Variants in MTMR3 observed in about 807,000 individuals in gnomAD.
MTMR3 encodes the protein myotubularin related protein 3, also known as phosphatidylinositol-3,5-bisphosphate 3-phosphatase MTMR3.
Under a neutral mutation model 132.4 loss-of-function variants are expected in MTMR3, and 32 were observed. That is an observed-to-expected ratio of 0.24 (90% CI 0.18 to 0.32). MTMR3 has a LOEUF of 0.32. MTMR3 is among the 10% of genes least tolerant of loss of function. The pLI is 1.00. For synonymous variants in MTMR3, 556 were observed against 550.3 expected (o/e 1.01, Z -0.14); for missense variants, 1,216 against 1,489.6 (o/e 0.82, Z 3.02).
chr22:30,019,803 A>G lies in MTMR3; in HGVS notation c.2144A>G (p.Gln715Arg). ...EPAHRAGIEI[Q>R]EGKEDPLLEK... ...GCCCACAGGGCAGGCATTGAGATAC[A>G]GGAGGGTAAAGAGGACCCTCTCTTA... The change falls in exon 17 of 20, where the codon CAG (glutamine) becomes CGG (arginine). Residue 715 changes from glutamine to arginine, a missense_variant. Coordinates refer to ENST00000401950, the MANE Select transcript of MTMR3 (RefSeq NM_021090.4). 4 of 1,614,250 alleles carry G rather than the reference A, an allele frequency of 2.5e-6. No homozygotes were observed. Among genetic ancestry groups the G allele is most frequent in the Non-Finnish European group, 3.4e-6 (4 of 1,180,044 alleles).
At chr22:29,967,594 A>G (rs1273897111) in intron 2 of MTMR3, among the ~76,000 whole-genome samples, 1 of 151,490 alleles carries the variant, frequency 6.6e-6, no homozygotes, top group Non-Finnish European at 1.5e-5. Flanking sequence ...TTTAAAGTAT[A>G]CAATTCAGTG....
intron 1 of MTMR3, among the ~76,000 whole-genome samples, chr22:29,899,253 A>C (rs566984164): frequency 6.6e-6 from 1 of 152,074 alleles, no homozygotes; most frequent in African/African-American, 2.4e-5. Context: ...AAATTTTGCT[A>C]TGTTGCCCCT....
intron 17 of MTMR3, chr22:30,021,778 C>A (rs915148635): frequency 2.6e-5 from 12 of 458,594 alleles, no homozygotes; most frequent in African/African-American, 2.0e-4. Context: ...CACTCACTTT[C>A]TGGAACCCTG....
rs530590394 is a variant in MTMR3 at position 29,883,300 on chromosome 22, T to C, written c.-197T>C. 6.6e-4 allele frequency: 102 copies of C among 153,620 alleles called. No individual in the cohort carries two copies. The highest frequency in any genetic ancestry group is 9.6e-4 in the Non-Finnish European group (66 of 68,928). 9.5% of individuals were successfully genotyped at this position (153,620 alleles called of 1,614,324 possible). On this transcript the variant is annotated 5_prime_UTR_variant, in exon 1 of 20. Coordinates refer to ENST00000401950, the MANE Select transcript of MTMR3 (RefSeq NM_021090.4). ...CCAGCGCCGGCCCTGGCAGGGAGCC[T>C]GGTGGGGTGGCGGAGGGGGAGACTG...
intron 1 of MTMR3, among the ~76,000 whole-genome samples, chr22:29,932,923 C>G (rs1034652588): frequency 6.6e-6 from 1 of 151,712 alleles, no homozygotes; most frequent in Non-Finnish European, 1.5e-5. Flanking sequence ...AGCACTGTGC[C>G]CCTTTGCCTC....
intron 19 of MTMR3, chr22:30,023,206 G>A (rs1442862391): frequency 3.7e-5 from 20 of 544,684 alleles, no homozygotes; most frequent in Middle Eastern, 3.9e-4. Context: ...TCTGGGTTAG[G>A]GTAGTGAGTT....
intron 1 of MTMR3, among the ~76,000 whole-genome samples, chr22:29,908,604 T>C (rs2065146074): frequency 6.6e-6 from 1 of 152,224 alleles, no homozygotes; most frequent in Admixed American, 6.5e-5. Context: ...AATTGATTGT[T>C]GGCCCTTTGC....
chr22:30,009,003 T>C lies in MTMR3; in HGVS notation c.1010-15T>C, dbSNP rs749895039. On this transcript the variant is annotated splice_polypyrimidine_tract_variant and intron_variant, in intron 11 of 19. Transcript: ENST00000401950. ...TTCAACGTATTTGTGTTCTCTTTAT[T>C]GTTACTCTCTCCAGAGTATTACCCA... The C allele has an allele frequency of 1.3e-6, 2 of 1,548,094 alleles. No homozygotes were observed. The highest frequency in any genetic ancestry group is 2.7e-5 in the African/African-American group (2 of 73,520).
At chr22:29,931,344 A>C (rs540074900) in intron 1 of MTMR3, among the ~76,000 whole-genome samples, 1 of 152,338 alleles carries the variant, frequency 6.6e-6, no homozygotes, top group South Asian at 2.1e-4. Flanking sequence ...CTGTACATAC[A>C]TATATTGCTT....
In MTMR3 at chr22:30,029,290, C is replaced by T. The variant is rs1040242917; in HGVS notation, c.*3489C>T. 2 of 152,338 alleles carry T rather than the reference C, an allele frequency of 1.3e-5. No individual in the cohort carries two copies. Among genetic ancestry groups the T allele is most frequent in the Non-Finnish European group, 2.9e-5 (2 of 68,040 alleles). 9.4% of individuals were successfully genotyped at this position (152,338 alleles called of 1,614,324 possible). A position where few individuals can be genotyped will look rare whatever the true frequency, so the allele number is the denominator to read the frequency against. ...GCACTCTCGTTACCTTTCTTCTATA[C>T]CTTGGCCTCTGTAACTGCAGTCCAA... is the stretch of plus-strand genomic sequence containing the variant. On this transcript the variant is annotated 3_prime_UTR_variant, in exon 20 of 20. Coordinates refer to ENST00000401950, the MANE Select transcript of MTMR3 (RefSeq NM_021090.4).
intron 8 of MTMR3, chr22:30,002,227 T>C (rs750616469): frequency 6.6e-6 from 1 of 151,980 alleles, no homozygotes; most frequent in Non-Finnish European, 1.5e-5. Context: ...TTTATGGAAA[T>C]TATGGTTAAT....
chr22:29,914,313 A>T (rs955129866), intron 1 of MTMR3, among the ~76,000 whole-genome samples: 3 of 152,206 alleles, frequency 2.0e-5, no homozygotes, highest in African/African-American at 4.8e-5. Flanking sequence ...GTCTGTAGCA[A>T]TACATCATCA....
At chr22:29,911,569 A>T (rs4287865) in intron 1 of MTMR3, among the ~76,000 whole-genome samples, 53,044 of 150,770 alleles carry the variant, frequency 0.35, 10,355 homozygotes, top group East Asian at 0.71. Context: ...ATTTTGTGTA[A>T]AATAGCTTGA....
intron 16 of MTMR3, 170 bp downstream of exon 16, chr22:30,018,242 G>C (rs1235625120): frequency 4.2e-6 from 3 of 708,146 alleles, no homozygotes; most frequent in Non-Finnish European, 6.4e-6. Flanking sequence ...CTACGAGGCT[G>C]TAAGATCCTT....
chr22:29,892,273 ATAG>A (rs1165494750), intron 1 of MTMR3, among the ~76,000 whole-genome samples: 1 of 152,216 alleles, frequency 6.6e-6, no homozygotes, highest in Non-Finnish European at 1.5e-5. Flanking sequence ...AAAAGGACAA[ATAG>A]TAGGATAAGA....
intron 10 of MTMR3, 49 bp from the exon 11 acceptor site, chr22:30,007,852 C>A: frequency 6.2e-7 from 1 of 1,606,918 alleles, no homozygotes; most frequent in South Asian, 1.1e-5. Flanking sequence ...CTGCACAGTT[C>A]TGGGAGAGAC....
At chr22:29,985,808 GT>G (rs1780851778) in intron 5 of MTMR3, 1 of 152,118 alleles carries the variant, frequency 6.6e-6, no homozygotes, top group Admixed American at 6.5e-5. Flanking sequence ...AATTTAAGAT[GT>G]TAAAATATAG....
rs2066900824 is a variant in MTMR3, at chr22:29,988,548, C to A, written c.279C>A (p.Asp93Glu). Residue 93 changes from aspartate to glutamate, a missense_variant, in exon 6 of 20, where the codon GAC becomes GAA. Around this residue, in one of 7 missense-constraint regions of MTMR3, gnomAD observed 129 missense variants for 245.7 expected, o/e 0.53. Coordinates refer to ENST00000401950, the MANE Select transcript of MTMR3 (RefSeq NM_021090.4). ...TTCAGCTTCATTTGACTTGCAAAGA[C>A]TGCAAAGTTATCAGGTATGTGGTAT... Reference protein sequence around the residue: ...DIFQLHLTCKDCKVIRCQFST... With the variant: ...DIFQLHLTCKECKVIRCQFST... 3 of 1,611,586 alleles carry A rather than the reference C, an allele frequency of 1.9e-6. No individual in the cohort carries two copies. The highest frequency in any genetic ancestry group is 2.5e-6 in the Non-Finnish European group (3 of 1,178,342).
At chr22:30,002,850 G>T in intron 8 of MTMR3, 30 bp from the exon 9 acceptor site, 1 of 1,549,752 alleles carries the variant, frequency 6.5e-7, no homozygotes, top group South Asian at 1.1e-5. Context: ...TTATCCCCTT[G>T]ACTCTCCCCA....
Sources: gnomAD v4.1 joint callset for allele counts (sites outside exome capture counted in the v4.1 genomes callset) on GRCh38, gnomAD v4.1.1 for gene constraint, gnomAD v4.1.1 regional missense constraint, MANE v1.5 for transcripts, NCBI Gene and HGNC (gene_info 2026-07-23, HGNC 2026-07-21) for gene names.